WIPF3: variants seen among roughly 807,000 people sequenced by gnomAD.
WIPF3 encodes WAS/WASL interacting protein family member 3, also known as WAS/WASL-interacting protein family member 3.
WIPF3 carries 33 observed loss-of-function variants against 38.9 expected under a neutral mutation model. That is an observed-to-expected ratio of 0.85 (90% CI 0.64 to 1.14). The LOEUF (loss-of-function observed/expected upper bound fraction) is 1.14, where lower values mean the gene tolerates loss of function less well. WIPF3 is among the 50% of genes most tolerant of loss of function. The pLI, the probability that WIPF3 is intolerant of heterozygous loss-of-function variation, is 0.00. For synonymous variants in WIPF3, 324 were observed against 269.3 expected (o/e 1.20, Z -1.99); for missense variants, 711 against 652.5 (o/e 1.09, Z -0.98).
chr7:29,847,835 T>C (rs886597532), intron 2 of WIPF3, among the ~76,000 whole-genome samples: 2 of 152,198 alleles, frequency 1.3e-5, no homozygotes, highest in African/African-American at 4.8e-5. Flanking sequence ...GGGGCTCTGG[T>C]TTCTATGACC....
At chr7:29,901,412 C>T (rs1786273276) in intron 7 of WIPF3, among the ~76,000 whole-genome samples, 2 of 105,174 alleles carry the variant, frequency 1.9e-5, no homozygotes, top group Admixed American at 2.1e-4. Context: ...TTTTTTTTTA[C>T]AAGACAGAGT....
chr7:29,839,961 A>G (rs1302286650), intron 2 of WIPF3, among the ~76,000 whole-genome samples: 1 of 152,232 alleles, frequency 6.6e-6, no homozygotes, highest in Non-Finnish European at 1.5e-5. Flanking sequence ...AGTTCTGTCA[A>G]TAAATATTTT....
At chr7:29,904,811 CA>C (rs1169889866) in intron 8 of WIPF3, 3 of 160,924 alleles carry the variant, frequency 1.9e-5, no homozygotes, top group African/African-American at 7.2e-5. Context: ...AGTCACAATT[CA>C]AGTACTAGTA....
intron 2 of WIPF3, among the ~76,000 whole-genome samples, chr7:29,862,645 G>T (rs1222109266): frequency 6.6e-6 from 1 of 152,158 alleles, no homozygotes; most frequent in African/African-American, 2.4e-5. Context: ...CACTGTTTTG[G>T]CCAGGGTGTA....
At position 29,823,281 on chromosome 7, in the gene WIPF3, A is replaced by G. The variant is rs1443489525; in HGVS notation, c.-57-11387A>G. On this transcript the variant is annotated intron_variant, in intron 1 of 8. Coordinates refer to ENST00000242140, the MANE Select transcript of WIPF3 (RefSeq NM_001080529.3). This position sits in a 1 kb window ranked among gnomAD's most constrained non-coding sequence, Gnocchi z 4.0. Reference sequence around the variant, plus strand: ...AGAACCCAACATTCATTTTTTTTTTAGATGGAGTGTCACTCTGTCACCCAG... The same window carrying G: ...AGAACCCAACATTCATTTTTTTTTTGGATGGAGTGTCACTCTGTCACCCAG... 6.6e-6 allele frequency among the ~76,000 whole-genome samples: 1 copy of G among 151,482 alleles called. No individual in the cohort carries two copies.
intron 7 of WIPF3, among the ~76,000 whole-genome samples, chr7:29,894,983 A>T: frequency 6.8e-6 from 1 of 147,644 alleles, no homozygotes; most frequent in African/African-American, 2.5e-5. Context: ...AGGCAGTCTC[A>T]CTCGTTTGCC....
intron 7 of WIPF3, among the ~76,000 whole-genome samples, chr7:29,901,897 T>C (rs535401322): frequency 6.6e-6 from 1 of 150,530 alleles, no homozygotes; most frequent in East Asian, 1.9e-4. Context: ...TGCTAACCTA[T>C]GGTGAAGCCT....
chr7:29,871,525 C>A (rs1305900141), intron 2 of WIPF3, among the ~76,000 whole-genome samples: 1 of 152,160 alleles, frequency 6.6e-6, no homozygotes, highest in African/African-American at 2.4e-5. Flanking sequence ...TTAGAATCAA[C>A]CAGCTAAGGT....
chr7:29,856,138 A>G (rs552492221), intron 2 of WIPF3, among the ~76,000 whole-genome samples: 32 of 152,182 alleles, frequency 2.1e-4, no homozygotes, highest in Non-Finnish European at 7.4e-5. Context: ...CCCACCCTAC[A>G]TATCTCCCAC....
intron 1 of WIPF3, among the ~76,000 whole-genome samples, chr7:29,816,209 A>G (rs1423320906): frequency 6.6e-6 from 1 of 152,244 alleles, no homozygotes; most frequent in Non-Finnish European, 1.5e-5. Flanking sequence ...AAAAAGTATA[A>G]AAAGGATGTT....
chr7:29,821,350 T>G (rs1381579932), intron 1 of WIPF3, among the ~76,000 whole-genome samples: 1 of 152,118 alleles, frequency 6.6e-6, no homozygotes, highest in Admixed American at 6.6e-5. Flanking sequence ...GCTGGAGTGC[T>G]ATGGTTTGAT....
chr7:29,823,399 A>T lies in WIPF3; in HGVS notation c.-57-11269A>T, dbSNP rs1051697559. 6.6e-6 allele frequency among the ~76,000 whole-genome samples: 1 copy of T among 152,188 alleles called. No individual in the cohort carries two copies. The highest frequency in any genetic ancestry group is 6.5e-5 in the Admixed American group (1 of 15,280). On this transcript the variant is annotated intron_variant, in intron 1 of 8. Transcript: ENST00000242140. The surrounding 1 kb of genome is among the most constrained non-coding windows in gnomAD (Gnocchi z 4.0). ...AATATATTTTATTCCCACGCCGATA[A>T]TGAGGTCTACCATTGGACAGAAACT...
At chr7:29,824,565 GA>G (rs900563822) in intron 1 of WIPF3, among the ~76,000 whole-genome samples, 27 of 149,834 alleles carry the variant, frequency 1.8e-4, no homozygotes, top group African/African-American at 4.9e-4. Flanking sequence ...AAAAAAAAAA[GA>G]AAAAAAAGGA....
At chr7:29,835,777 G>A (rs145406778) in intron 2 of WIPF3, among the ~76,000 whole-genome samples, 27 of 152,296 alleles carry the variant, frequency 1.8e-4, no homozygotes, top group East Asian at 7.7e-4. Flanking sequence ...ACGAGATGAC[G>A]GTATGGCACA....
chr7:29,885,970 T>C (rs1785867479), intron 5 of WIPF3, among the ~76,000 whole-genome samples: 1 of 152,238 alleles, frequency 6.6e-6, no homozygotes, highest in South Asian at 2.1e-4. Flanking sequence ...TGTTCTGTGT[T>C]TTATTTAACA....
chr7:29,815,247 A>C (rs1382792638), intron 1 of WIPF3, among the ~76,000 whole-genome samples: 3 of 152,304 alleles, frequency 2.0e-5, no homozygotes, highest in East Asian at 1.9e-4. Flanking sequence ...GGAAAAAAAA[A>C]CAGTAAGACA....
At chr7:29,905,061 A>C (rs1786366011) in intron 8 of WIPF3, 1 of 152,240 alleles carries the variant, frequency 6.6e-6, no homozygotes, top group African/African-American at 2.4e-5. Flanking sequence ...GACAGACTAC[A>C]GAGTCACTTG....
intron 8 of WIPF3, among the ~76,000 whole-genome samples, chr7:29,913,172 C>T (rs904734442): frequency 4.6e-5 from 7 of 152,080 alleles, no homozygotes; most frequent in Admixed American, 4.6e-4. Context: ...CATGGAGAAA[C>T]CCCATCTCTA....
At chr7:29,866,113 C>T (rs174953) in intron 2 of WIPF3, among the ~76,000 whole-genome samples, 79,601 of 151,990 alleles carry the variant, frequency 0.52, 22,939 homozygotes, top group East Asian at 0.87. Flanking sequence ...AAACCAAAGT[C>T]GCGCCACTGC....
Sources: allele counts gnomAD v4.1 joint callset (sites outside exome capture counted in the v4.1 genomes callset), GRCh38; gene constraint gnomAD v4.1.1; non-coding constraint Gnocchi (gnomAD v3.1); transcripts MANE v1.5; gene names NCBI Gene and HGNC (gene_info 2026-07-23, HGNC 2026-07-21).